The following GNB4 variants were observed in gnomAD, a reference collection of about 807,000 sequenced individuals.
The protein encoded by GNB4 is guanine nucleotide-binding protein subunit beta-4.
Under a neutral mutation model 45.2 loss-of-function variants are expected in GNB4, and 28 were observed. The observed-to-expected ratio is 0.62, with a 90% confidence interval of 0.46 to 0.85. The LOEUF is 0.85. Ranked by LOEUF, GNB4 falls within the 40% of genes least tolerant of loss-of-function variation. The pLI, the probability that GNB4 is intolerant of heterozygous loss-of-function variation, is 0.00. For missense variants in GNB4, 321 were observed against 425.4 expected (o/e 0.75, Z 2.16); for synonymous variants, 132 against 143.7 (o/e 0.92, Z 0.58).
chr3:179,433,230 T>C (rs1715355522), intron 1 of GNB4, among the ~76,000 whole-genome samples: 1 of 151,520 alleles, frequency 6.6e-6, no homozygotes, highest in Non-Finnish European at 1.5e-5. Context: ...ACCCCAAAGA[T>C]GAAGACAAAC....
At chr3:179,440,654 G>A (rs537038086) in intron 1 of GNB4, among the ~76,000 whole-genome samples, 7 of 152,002 alleles carry the variant, frequency 4.6e-5, no homozygotes, top group African/African-American at 9.7e-5. Flanking sequence ...GGGTGAACAC[G>A]GTTAATAATT....
intron 3 of GNB4, among the ~76,000 whole-genome samples, chr3:179,420,302 T>TG (rs894222420): frequency 1.2e-4 from 18 of 147,198 alleles, no homozygotes; most frequent in East Asian, 3.9e-4. Context: ...CTAACTTTCA[T>TG]GTTTTTTTTT....
At chr3:179,412,799 T>C (rs73883513) in intron 8 of GNB4, among the ~76,000 whole-genome samples, 2 of 151,492 alleles carry the variant, frequency 1.3e-5, no homozygotes, top group African/African-American at 2.4e-5. Context: ...CTGAATTCAC[T>C]GGTAGAACAT....
At chr3:179,483,548 A>G in the GNB4 span, among the ~76,000 whole-genome samples, 1 of 152,170 alleles carries the variant, frequency 6.6e-6, no homozygotes, top group African/African-American at 2.4e-5. Context: ...AGAAACCATC[A>G]GCCTAATTTC....
chr3:179,466,947 A>G, the GNB4 span, among the ~76,000 whole-genome samples: 2 of 152,194 alleles, frequency 1.3e-5, no homozygotes, highest in Non-Finnish European at 2.9e-5. Context: ...TAAAACTGAA[A>G]TGTTAAGGGT....
chr3:179,487,074 A>C, the GNB4 span, among the ~76,000 whole-genome samples: 1 of 152,218 alleles, frequency 6.6e-6, no homozygotes, highest in Non-Finnish European at 1.5e-5. Flanking sequence ...AGCATGGGAC[A>C]TTTCATTATT....
At chr3:179,431,567 A>C (rs1197963107) in intron 1 of GNB4, among the ~76,000 whole-genome samples, 2 of 151,754 alleles carry the variant, frequency 1.3e-5, no homozygotes, top group Admixed American at 6.6e-5. Flanking sequence ...CAAAAAAAAA[A>C]AAAAAAGACT....
intron 1 of GNB4, among the ~76,000 whole-genome samples, chr3:179,440,870 T>G (rs917453716): frequency 9.6e-5 from 12 of 124,998 alleles, no homozygotes; most frequent in East Asian, 4.4e-4. Context: ...TTCCTATATA[T>G]ATAGATAGAT....
chr3:179,465,198 C>T, the GNB4 span: 2 of 1,332,440 alleles, frequency 1.5e-6, no homozygotes, highest in South Asian at 2.3e-5. Flanking sequence ...CCTGTAACTG[C>T]CAAACTGAAG....
At chr3:179,443,493 C>G (rs1715644785) in intron 1 of GNB4, among the ~76,000 whole-genome samples, 1 of 150,712 alleles carries the variant, frequency 6.6e-6, no homozygotes, top group African/African-American at 2.5e-5. Context: ...GAGCCGAGAT[C>G]TCACCACTGT....
At chr3:179,503,847 A>C in the GNB4 span, among the ~76,000 whole-genome samples, 1 of 152,226 alleles carries the variant, frequency 6.6e-6, no homozygotes, top group Admixed American at 6.5e-5. Flanking sequence ...ATCACAAGCC[A>C]AACTTGTTTG....
In GNB4 at chr3:179,401,329, A is replaced by T. The variant is rs749107679; in HGVS notation, c.917-10T>A. 1.3e-6 allele frequency: 2 copies of T among 1,599,158 alleles called. No homozygotes were observed. Among genetic ancestry groups the T allele is most frequent in the East Asian group, 2.2e-5 (1 of 44,700 alleles). On this transcript the variant is annotated splice_polypyrimidine_tract_variant and intron_variant, in intron 9 of 9. Transcript: ENST00000232564. ...TGACCAGCAAGGACACCTGAAAAAA[A>T]AATTCAGTAAAAAATTGGCAATTGT...
At chr3:179,468,145 C>A in the GNB4 span, among the ~76,000 whole-genome samples, 1 of 149,680 alleles carries the variant, frequency 6.7e-6, no homozygotes, top group Non-Finnish European at 1.5e-5. Context: ...CTGCAGGGAG[C>A]TATAATTGTG....
the GNB4 span, among the ~76,000 whole-genome samples, chr3:179,494,780 T>C: frequency 3.3e-5 from 5 of 151,284 alleles, no homozygotes; most frequent in African/African-American, 4.9e-5. Flanking sequence ...TGGTGGTGGG[T>C]GCCTGTAGTC....
Position 179,401,247 on chromosome 3 carries a change from C to A in GNB4, c.989G>T (p.Gly330Val). The change falls in exon 10 of 10, where the codon GGC (glycine) becomes GTC (valine). Residue 330 changes from glycine to valine, a missense_variant. Coordinates refer to ENST00000232564, the MANE Select transcript of GNB4 (RefSeq NM_021629.4). The part of the protein sequence containing the change: ...VTDDGMAVAT[G>V]SWDSFLRIWN ...GATTCTAAGAAAACTGTCCCAAGAG[C>A]CTGTTGCCACAGCCATGCCATCATC... The A allele has an allele frequency of 6.2e-7, 1 of 1,613,744 alleles. No individual in the cohort carries two copies. Among genetic ancestry groups the A allele is most frequent in the Non-Finnish European group, 8.5e-7 (1 of 1,179,780 alleles).
chr3:179,416,000 C>A (rs1290894032), intron 5 of GNB4, among the ~76,000 whole-genome samples: 2 of 151,950 alleles, frequency 1.3e-5, no homozygotes, highest in Non-Finnish European at 2.9e-5. Flanking sequence ...CTGGGGATTC[C>A]TTCCAGTGGA....
chr3:179,521,458 C>T, the GNB4 span, among the ~76,000 whole-genome samples: 1 of 152,112 alleles, frequency 6.6e-6, no homozygotes, highest in Non-Finnish European at 1.5e-5. Flanking sequence ...TTTATTAGGC[C>T]CCAGTCTCAT....
At chr3:179,451,023 G>A (rs535836484) in intron 1 of GNB4, 1 of 152,358 alleles carries the variant, frequency 6.6e-6, no homozygotes, top group Non-Finnish European at 1.5e-5. Context: ...GGAGTGACGA[G>A]AAACCAGGGG....
At chr3:179,451,210 G>C (rs1715864822) in intron 1 of GNB4, 136 bp downstream of exon 1, 1 of 151,800 alleles carries the variant, frequency 6.6e-6, no homozygotes, top group African/African-American at 2.4e-5. Context: ...AGCCCGGGGA[G>C]ACCCGCCCCG....
Sources: allele counts gnomAD v4.1 joint callset (sites outside exome capture counted in the v4.1 genomes callset), GRCh38; gene constraint gnomAD v4.1.1; transcripts MANE v1.5; gene names NCBI Gene and HGNC (gene_info 2026-07-23, HGNC 2026-07-21).